The following BANK1 variants were observed in gnomAD, a reference collection of about 807,000 sequenced individuals.
BANK1 encodes the protein B cell scaffold protein with ankyrin repeats 1.
Under a neutral mutation model 94.5 loss-of-function variants are expected in BANK1, and 95 were observed. The observed-to-expected ratio is 1.00, with a 90% confidence interval of 0.85 to 1.19. The LOEUF is 1.19. BANK1 is among the 50% of genes most tolerant of loss of function. The pLI, the probability that BANK1 is intolerant of heterozygous loss-of-function variation, is 0.00. For synonymous variants in BANK1, 334 were observed against 308.4 expected, an observed-to-expected ratio of 1.08 and a Z score of -0.87; for missense variants, 987 against 932.2, an observed-to-expected ratio of 1.06 and a Z score of -0.77.
At chr4:101,851,961 T>G (rs958769058) in intron 2 of BANK1, among the ~76,000 whole-genome samples, 64 of 152,312 alleles carry the variant, frequency 4.2e-4, no homozygotes, top group African/African-American at 1.5e-3. Flanking sequence ...TTCTGCTCTT[T>G]GAATTTTGAG....
chr4:102,001,053 A>C (rs1198483248), intron 7 of BANK1, among the ~76,000 whole-genome samples: 1 of 152,168 alleles, frequency 6.6e-6, no homozygotes, highest in Admixed American at 6.5e-5. Flanking sequence ...GACCAAATCC[A>C]ATTGGTGGAC....
chr4:102,007,400 G>A lies in BANK1; in HGVS notation c.1207-14114G>A, dbSNP rs1055629734. ...TAGCAACTGGGTATTAGGTTCAAGA[G>A]ACAAATCAGTGCTAAAAGTTTAAAT... On this transcript the variant is annotated intron_variant, in intron 7 of 16. Coordinates refer to ENST00000322953, the MANE Select transcript of BANK1 (RefSeq NM_017935.5). Among the ~76,000 whole-genome samples, 3 of 151,158 alleles carry A rather than the reference G, an allele frequency of 2.0e-5. No individual in the cohort carries two copies. In the Admixed American group the frequency reaches 2.0e-4, roughly 10 times the overall value.
chr4:101,903,777 G>A (rs961605045), intron 6 of BANK1, among the ~76,000 whole-genome samples: 3 of 152,142 alleles, frequency 2.0e-5, no homozygotes, highest in African/African-American at 7.2e-5. Flanking sequence ...GTTTTTAGTT[G>A]ATCCCTACGT....
At position 101,830,217 on chromosome 4, in the gene BANK1, C is replaced by G; in HGVS notation, c.469+11C>G. 2 of 1,461,642 alleles carry G rather than the reference C, an allele frequency of 1.4e-6. No homozygotes were observed. Among genetic ancestry groups the G allele is most frequent in the Non-Finnish European group, 1.8e-6 (2 of 1,109,508 alleles). The allele number at this position is 1,461,642 out of a possible 1,614,324, so 90.5% of individuals were successfully genotyped here. ...GTATCATATTCAAAGGTAGTGTTGCCAAACCTTGTTTGTTTTATTTTTATT... is the reference window on the plus strand; with the variant it reads ...GTATCATATTCAAAGGTAGTGTTGCGAAACCTTGTTTGTTTTATTTTTATT... On this transcript the variant is annotated intron_variant, in intron 2 of 16. Coordinates refer to ENST00000322953, the MANE Select transcript of BANK1 (RefSeq NM_017935.5).
intron 2 of BANK1, among the ~76,000 whole-genome samples, chr4:101,853,975 G>C (rs1431227472): frequency 6.6e-6 from 1 of 152,100 alleles, no homozygotes; most frequent in Non-Finnish European, 1.5e-5. Flanking sequence ...CACTCTCTTG[G>C]TTCATCATGG....
chr4:101,908,020 A>G (rs1033898053), intron 6 of BANK1, among the ~76,000 whole-genome samples: 2 of 152,210 alleles, frequency 1.3e-5, no homozygotes, highest in African/African-American at 4.8e-5. Flanking sequence ...CCATCAAGCT[A>G]CCAATGACTT....
intron 7 of BANK1, among the ~76,000 whole-genome samples, chr4:101,923,841 G>A (rs1220610488): frequency 6.6e-6 from 1 of 151,506 alleles, no homozygotes; most frequent in Non-Finnish European, 1.5e-5. Flanking sequence ...TTTAACTTAT[G>A]ATAATGACCT....
intron 1 of BANK1, among the ~76,000 whole-genome samples, chr4:101,815,100 C>T (rs1725863463): frequency 6.6e-6 from 1 of 152,082 alleles, no homozygotes; most frequent in Non-Finnish European, 1.5e-5. Context: ...TGATAATTGG[C>T]TCAAATGGCT....
chr4:101,862,033 A>G (rs1388043584), intron 3 of BANK1, among the ~76,000 whole-genome samples: 3 of 152,124 alleles, frequency 2.0e-5, no homozygotes, highest in Non-Finnish European at 1.5e-5. Context: ...ATATAAAACT[A>G]TTGGACTTCT....
chr4:101,991,301 T>C (rs142409671), intron 7 of BANK1, among the ~76,000 whole-genome samples: 11 of 152,364 alleles, frequency 7.2e-5, no homozygotes, highest in Admixed American at 7.2e-4. Flanking sequence ...GAGTTGATTA[T>C]AGTAGCTTTT....
At chr4:102,007,110 T>TAA (rs1170739147) in intron 7 of BANK1, among the ~76,000 whole-genome samples, 2 of 55,742 alleles carry the variant, frequency 3.6e-5, no homozygotes, top group Admixed American at 1.9e-4. Context: ...TATATATATA[T>TAA]AAATATATAT....
rs200190290 is a variant in BANK1, at chr4:101,895,356, A to G, written c.955A>G (p.Ile319Val). Residue 319 changes from isoleucine (I) to valine (V), a missense_variant, in exon 6 of 17, where the codon ATA becomes GTA. Ile to Val is a conservative substitution (Grantham distance 29, BLOSUM62 3). Coordinates refer to ENST00000322953, the MANE Select transcript of BANK1 (RefSeq NM_017935.5). ...CCTTACATCCATATTCAAACATGAG[A>G]TACCATATTATGAGTTCCAGTCTCT... Reference protein sequence around the residue: ...GVLTSIFKHEIPYYEFQSLQT... With the variant: ...GVLTSIFKHEVPYYEFQSLQT... 16 of 1,595,234 alleles carry G rather than the reference A, an allele frequency of 1.0e-5. No individual in the cohort carries two copies. In the Admixed American group the frequency reaches 1.4e-4, roughly 14 times the overall value.
chr4:101,866,266 G>T (rs4698977), intron 4 of BANK1, among the ~76,000 whole-genome samples: 52,460 of 151,966 alleles, frequency 0.35, 9,371 homozygotes, highest in African/African-American at 0.39. Context: ...AAGAATCATT[G>T]AATTTGAAGA....
chr4:101,926,271 A>G (rs4099101), intron 7 of BANK1, among the ~76,000 whole-genome samples: 119,829 of 151,524 alleles, frequency 0.79, 48,325 homozygotes, highest in Non-Finnish European at 0.88. Flanking sequence ...AGCCTCAACA[A>G]TATATTTTTT....
At chr4:101,881,592 T>C (rs1043968441) in intron 5 of BANK1, among the ~76,000 whole-genome samples, 1 of 152,160 alleles carries the variant, frequency 6.6e-6, no homozygotes, top group Non-Finnish European at 1.5e-5. Context: ...AGGAAATCAG[T>C]ATATCAAAGA....
chr4:102,073,874 C>T, intron 16 of BANK1, 126 bp downstream of exon 16: 1 of 704,136 alleles, frequency 1.4e-6, no homozygotes, highest in Admixed American at 3.0e-5. Flanking sequence ...AAAGGATTAA[C>T]ATGTATTTTT....
intron 6 of BANK1, among the ~76,000 whole-genome samples, chr4:101,901,659 A>G (rs755605605): frequency 8.5e-5 from 13 of 152,248 alleles, no homozygotes; most frequent in Non-Finnish European, 1.0e-4. Context: ...AAAAACTCAA[A>G]AAGTGGGAGA....
chr4:101,820,989 T>C (rs1488528581), intron 1 of BANK1, among the ~76,000 whole-genome samples: 5 of 152,110 alleles, frequency 3.3e-5, no homozygotes, highest in Admixed American at 3.3e-4. Flanking sequence ...GTGGGTCGAA[T>C]GCCATTACTG....
intron 4 of BANK1, among the ~76,000 whole-genome samples, chr4:101,864,726 A>G (rs568293209): frequency 6.6e-6 from 1 of 152,324 alleles, no homozygotes; most frequent in South Asian, 2.1e-4. Context: ...GAAACTGTCC[A>G]TTTTTATGCT....
Sources: allele counts gnomAD v4.1 joint callset (sites outside exome capture counted in the v4.1 genomes callset), GRCh38; gene constraint gnomAD v4.1.1; transcripts MANE v1.5; gene names NCBI Gene and HGNC (gene_info 2026-07-23, HGNC 2026-07-21).